The following NTM variants were observed in gnomAD, a reference collection of about 807,000 sequenced individuals.
NTM encodes neurotrimin.
NTM carries 13 observed loss-of-function variants against 42.1 expected under a neutral mutation model. The observed-to-expected ratio is 0.31, with a 90% CI of 0.20 to 0.49. The LOEUF is 0.49. Ranked by LOEUF, NTM falls within the 20% of genes least tolerant of loss-of-function variation. The probability of loss-of-function intolerance (pLI) is 0.99; values close to 1 mark genes in which losing one functional copy is unlikely to be tolerated. For synonymous variants in NTM, 187 were observed against 179.2 expected (o/e 1.04, Z -0.35); for missense variants, 373 against 452.8 (o/e 0.82, Z 1.60).
At chr11:132,176,474 A>G (rs2076828747) in intron 3 of NTM, among the ~76,000 whole-genome samples, 1 of 152,156 alleles carries the variant, frequency 6.6e-6, no homozygotes, top group Non-Finnish European at 1.5e-5. Flanking sequence ...ATTAGAAGAT[A>G]TTGTCACATC....
intron 3 of NTM, among the ~76,000 whole-genome samples, chr11:132,188,112 G>T (rs1464081625): frequency 6.6e-6 from 1 of 152,140 alleles, no homozygotes; most frequent in Non-Finnish European, 1.5e-5. Context: ...GTGTGTGTGT[G>T]TGTTTGTGTG....
chr11:131,434,259 T>G (rs1948931896), intron 1 of NTM, among the ~76,000 whole-genome samples: 1 of 152,232 alleles, frequency 6.6e-6, no homozygotes, highest in African/African-American at 2.4e-5. Flanking sequence ...CGTGTGCATG[T>G]GTCTTTATAC....
chr11:132,027,770 T>G (rs2075377568), intron 2 of NTM, among the ~76,000 whole-genome samples: 1 of 152,216 alleles, frequency 6.6e-6, no homozygotes, highest in Admixed American at 6.5e-5. Flanking sequence ...AAACTGTTGT[T>G]TGGTTTCTGT....
chr11:132,070,110 C>T (rs1336898075), intron 2 of NTM, among the ~76,000 whole-genome samples: 2 of 140,524 alleles, frequency 1.4e-5, no homozygotes, highest in African/African-American at 2.7e-5. Context: ...TCAAACTGAC[C>T]GTCACAGGTT....
At chr11:131,643,013 A>C (rs919594071) in intron 1 of NTM, among the ~76,000 whole-genome samples, 1 of 151,514 alleles carries the variant, frequency 6.6e-6, no homozygotes, top group African/African-American at 2.4e-5. Context: ...TCTGCTCAGA[A>C]TTAATATTTT....
chr11:131,836,817 A>T (rs945517236), intron 1 of NTM, among the ~76,000 whole-genome samples: 5 of 152,238 alleles, frequency 3.3e-5, no homozygotes, highest in African/African-American at 1.2e-4. Flanking sequence ...TCCTTATTTA[A>T]GTGAGTAATT....
chr11:131,789,693 T>C (rs12282501), intron 1 of NTM, among the ~76,000 whole-genome samples: 11 of 128,142 alleles, frequency 8.6e-5, no homozygotes, highest in African/African-American at 2.9e-4. Context: ...GCGGTGGCTC[T>C]CGCCTGTAAT....
intron 4 of NTM, among the ~76,000 whole-genome samples, chr11:132,289,442 C>A (rs2139977491): frequency 6.6e-6 from 1 of 152,232 alleles, no homozygotes; most frequent in East Asian, 1.9e-4. Context: ...CATTGCTATA[C>A]CTGATTCCTT....
intron 1 of NTM, among the ~76,000 whole-genome samples, chr11:131,445,131 A>G (rs1242969817): frequency 6.6e-6 from 1 of 152,206 alleles, no homozygotes; most frequent in Non-Finnish European, 1.5e-5. Flanking sequence ...AATATAAAAC[A>G]TTTTGAATTA....
At chr11:131,872,570 C>A (rs2047896668) in intron 1 of NTM, among the ~76,000 whole-genome samples, 1 of 152,066 alleles carries the variant, frequency 6.6e-6, no homozygotes, top group East Asian at 1.9e-4. Flanking sequence ...TTTGCAGAAG[C>A]CCAAAGGAGT....
chr11:131,562,992 T>C (rs900251276), intron 1 of NTM, among the ~76,000 whole-genome samples: 2 of 152,334 alleles, frequency 1.3e-5, no homozygotes, highest in Admixed American at 1.3e-4. Context: ...AAAGCTTCTC[T>C]GACTCTGGGC....
intron 1 of NTM, among the ~76,000 whole-genome samples, chr11:131,585,005 G>T (rs1035432250): frequency 6.6e-6 from 1 of 151,480 alleles, no homozygotes; most frequent in African/African-American, 2.4e-5. Context: ...GGGTGCAGTG[G>T]GGGGGAAGCT....
At chr11:131,470,460 G>A (rs1194664038) in intron 1 of NTM, among the ~76,000 whole-genome samples, 2 of 152,310 alleles carry the variant, frequency 1.3e-5, no homozygotes, top group East Asian at 3.9e-4. Context: ...TCCTTTTTCT[G>A]ATGAGAGAGT....
intron 1 of NTM, chr11:131,573,663 T>A (rs1388692888): frequency 6.6e-6 from 1 of 152,186 alleles, no homozygotes; most frequent in Non-Finnish European, 1.5e-5. Context: ...ATAGAGATTA[T>A]TTTCGTTAAC....
intron 2 of NTM, among the ~76,000 whole-genome samples, chr11:132,121,130 G>A (rs950726397): frequency 6.6e-6 from 1 of 152,162 alleles, no homozygotes; most frequent in African/African-American, 2.4e-5. Context: ...CCATTTTAGA[G>A]ATGGGGAGGG....
chr11:131,390,720 T>A (rs989770541), intron 1 of NTM, among the ~76,000 whole-genome samples: 1 of 152,158 alleles, frequency 6.6e-6, no homozygotes, highest in African/African-American at 2.4e-5. Context: ...GTTCTCAAAG[T>A]GTGGTCCCTG....
At chr11:131,683,466 G>T (rs1196820841) in intron 1 of NTM, among the ~76,000 whole-genome samples, 1 of 152,234 alleles carries the variant, frequency 6.6e-6, no homozygotes, top group Non-Finnish European at 1.5e-5. Context: ...ATCTGACCAG[G>T]TTGATGCCTT....
chr11:131,933,944 T>C (rs920733894), intron 2 of NTM, among the ~76,000 whole-genome samples: 1 of 152,146 alleles, frequency 6.6e-6, no homozygotes, highest in Non-Finnish European at 1.5e-5. Flanking sequence ...CAGAGCCCCG[T>C]GACCATCCCA....
At chr11:131,847,313 T>A (rs897774816) in intron 1 of NTM, among the ~76,000 whole-genome samples, 4 of 150,748 alleles carry the variant, frequency 2.7e-5, no homozygotes, top group African/African-American at 9.9e-5. Context: ...TCTTATTAAA[T>A]AAATTAAATT....
Sources: gnomAD v4.1 joint callset for allele counts (sites outside exome capture counted in the v4.1 genomes callset) on GRCh38, gnomAD v4.1.1 for gene constraint, MANE v1.5 for transcripts, NCBI Gene and HGNC (gene_info 2026-07-23, HGNC 2026-07-21) for gene names.